Variants in PRKG1 observed in about 807,000 individuals in gnomAD.
PRKG1 encodes the protein cGMP-dependent protein kinase 1.
A neutral mutation model predicts 88.1 loss-of-function variants in PRKG1; 35 were observed. The observed-to-expected ratio is 0.40, with a 90% CI of 0.30 to 0.53. PRKG1 has a LOEUF of 0.53. Ranked by LOEUF, PRKG1 falls within the 20% of genes least tolerant of loss-of-function variation. The pLI is 0.59. For missense variants in PRKG1, 540 were observed against 839.8 expected, an observed-to-expected ratio of 0.64 and a Z score of 4.41; for synonymous variants, 303 against 292.5, an observed-to-expected ratio of 1.04 and a Z score of -0.37.
At chr10:51,666,825 CTCTT>C (rs1840433610) in intron 3 of PRKG1, among the ~76,000 whole-genome samples, 1 of 151,990 alleles carries the variant, frequency 6.6e-6, no homozygotes, top group South Asian at 2.1e-4. Context: ...GATGGAGTCT[CTCTT>C]TGTCACCCAG....
At chr10:51,277,830 T>C (rs545748530) in intron 2 of PRKG1, among the ~76,000 whole-genome samples, 2 of 152,214 alleles carry the variant, frequency 1.3e-5, no homozygotes, top group Non-Finnish European at 2.9e-5. Flanking sequence ...CTGAAGTTGC[T>C]TATCAGCTTA....
At chr10:51,443,198 A>T in intron 2 of PRKG1, among the ~76,000 whole-genome samples, 1 of 144,028 alleles carries the variant, frequency 6.9e-6, no homozygotes, top group South Asian at 2.1e-4. Flanking sequence ...TACAGTCTGC[A>T]GGCCAAATCT....
chr10:52,174,616 A>G (rs564703842), intron 9 of PRKG1, among the ~76,000 whole-genome samples: 2 of 152,162 alleles, frequency 1.3e-5, no homozygotes, highest in East Asian at 3.9e-4. Flanking sequence ...ATTGCATTAT[A>G]TGGGTTGTGT....
chr10:51,554,012 ATGTGCG>A, intron 3 of PRKG1, among the ~76,000 whole-genome samples: 1 of 141,760 alleles, frequency 7.1e-6, no homozygotes, highest in Non-Finnish European at 1.5e-5. Context: ...TGCATATTAT[ATGTGCG>A]TATGTGATAC....
At chr10:51,141,976 T>A (rs1845831487) in intron 1 of PRKG1, among the ~76,000 whole-genome samples, 1 of 152,208 alleles carries the variant, frequency 6.6e-6, no homozygotes, top group Non-Finnish European at 1.5e-5. Flanking sequence ...TTATATTTTA[T>A]CTTTTAATGG....
chr10:52,086,159 A>G (rs923892753), intron 7 of PRKG1, among the ~76,000 whole-genome samples: 1 of 152,078 alleles, frequency 6.6e-6, no homozygotes, highest in African/African-American at 2.4e-5. Context: ...ATTATTCCAA[A>G]AAAAAGTTTA....
At chr10:51,159,477 T>A (rs1439704293) in intron 2 of PRKG1, among the ~76,000 whole-genome samples, 31 of 152,184 alleles carry the variant, frequency 2.0e-4, no homozygotes, top group Non-Finnish European at 5.9e-5. Flanking sequence ...AAGCTTATAA[T>A]GTTAATGTTA....
chr10:52,233,989 C>G (rs916470685), intron 9 of PRKG1, among the ~76,000 whole-genome samples: 5 of 152,136 alleles, frequency 3.3e-5, no homozygotes, highest in African/African-American at 1.2e-4. Context: ...ACTGCCTCCT[C>G]AAGTGGGTCC....
At chr10:52,125,531 A>G (rs1246154245) in intron 7 of PRKG1, among the ~76,000 whole-genome samples, 2 of 152,148 alleles carry the variant, frequency 1.3e-5, no homozygotes, top group African/African-American at 4.8e-5. Context: ...CAAGACCTCC[A>G]GTGGATACCA....
intron 9 of PRKG1, among the ~76,000 whole-genome samples, chr10:52,180,766 C>T (rs61847303): frequency 0.22 from 33,842 of 152,018 alleles, 4,150 homozygotes; most frequent in Non-Finnish European, 0.28. Context: ...CATGTACATG[C>T]GCACGGTGAG....
At chr10:52,077,241 G>A (rs1846651969) in intron 7 of PRKG1, among the ~76,000 whole-genome samples, 2 of 152,170 alleles carry the variant, frequency 1.3e-5, no homozygotes, top group South Asian at 4.1e-4. Flanking sequence ...TAGTGAAATA[G>A]TGATGTACTC....
chr10:51,120,990 T>C, intron 1 of PRKG1, among the ~76,000 whole-genome samples: 1 of 152,142 alleles, frequency 6.6e-6, no homozygotes, highest in Non-Finnish European at 1.5e-5. Context: ...AAAGAATCTG[T>C]TCCTTGTCTT....
intron 5 of PRKG1, among the ~76,000 whole-genome samples, chr10:51,939,035 G>A (rs1052189782): frequency 2.0e-5 from 3 of 151,954 alleles, no homozygotes; most frequent in Non-Finnish European, 4.4e-5. Flanking sequence ...AAGAAGTAAA[G>A]TCTAAAAATT....
intron 3 of PRKG1, among the ~76,000 whole-genome samples, chr10:51,669,084 A>C (rs1230060715): frequency 1.3e-5 from 2 of 152,238 alleles, no homozygotes; most frequent in Non-Finnish European, 2.9e-5. Context: ...TGTGTTCTAC[A>C]TACTCTTCTC....
intron 3 of PRKG1, among the ~76,000 whole-genome samples, chr10:51,783,212 G>T (rs1308504404): frequency 6.6e-6 from 1 of 152,088 alleles, no homozygotes; most frequent in Non-Finnish European, 1.5e-5. Flanking sequence ...TCATGGTCCA[G>T]TTATAAGCTT....
intron 2 of PRKG1, among the ~76,000 whole-genome samples, chr10:51,184,699 A>G (rs987739795): frequency 2.0e-5 from 3 of 152,116 alleles, no homozygotes; most frequent in African/African-American, 7.2e-5. Context: ...TTTTGATTTT[A>G]CTATTTCATA....
At chr10:51,326,531 A>T (rs1342672300) in intron 2 of PRKG1, among the ~76,000 whole-genome samples, 1 of 152,224 alleles carries the variant, frequency 6.6e-6, no homozygotes, top group Non-Finnish European at 1.5e-5. Flanking sequence ...TTAATGGATA[A>T]AATACCCAAG....
intron 5 of PRKG1, among the ~76,000 whole-genome samples, chr10:52,010,361 TAAAC>T (rs1401908514): frequency 6.6e-6 from 1 of 152,066 alleles, no homozygotes; most frequent in Non-Finnish European, 1.5e-5. Context: ...GCAAAGGACA[TAAAC>T]AGACACTTCT....
intron 2 of PRKG1, among the ~76,000 whole-genome samples, chr10:51,352,170 G>A: frequency 6.6e-6 from 1 of 152,144 alleles, no homozygotes; most frequent in Non-Finnish European, 1.5e-5. Context: ...TTTGAAGTCA[G>A]GTAGCGTGAT....
Sources: gnomAD v4.1 joint callset for allele counts (sites outside exome capture counted in the v4.1 genomes callset) on GRCh38, gnomAD v4.1.1 for gene constraint, MANE v1.5 for transcripts, NCBI Gene and HGNC (gene_info 2026-07-23, HGNC 2026-07-21) for gene names.